Variants in TRAPPC10 observed in about 807,000 individuals in gnomAD.
The protein encoded by TRAPPC10 is trafficking protein particle complex subunit 10.
Under a neutral mutation model 125.5 loss-of-function variants are expected in TRAPPC10, and 23 were observed. The ratio of observed to expected loss-of-function variants is 0.18; its 90% CI spans 0.13 to 0.26. The LOEUF is 0.26. Ranked by LOEUF, TRAPPC10 falls within the 10% of genes least tolerant of loss-of-function variation. The pLI is 1.00. For missense variants in TRAPPC10, 1,123 were observed against 1,308.4 expected, an observed-to-expected ratio of 0.86 and a Z score of 2.19; for synonymous variants, 509 against 518.0, an observed-to-expected ratio of 0.98 and a Z score of 0.24.
At chr21:44,046,490 C>A in intron 3 of TRAPPC10, 1 of 238,402 alleles carries the variant, frequency 4.2e-6, no homozygotes, top group Non-Finnish European at 8.9e-6. Flanking sequence ...CAAGGGGTGA[C>A]ACGCTTTACC....
intron 7 of TRAPPC10, among the ~76,000 whole-genome samples, chr21:44,072,370 C>T (rs1601750982): frequency 6.6e-6 from 1 of 152,298 alleles, no homozygotes; most frequent in East Asian, 1.9e-4. Flanking sequence ...TGCTGTGGCT[C>T]CTGGGCTTTA....
At chr21:44,020,812 C>T (rs2032430633) in intron 1 of TRAPPC10, among the ~76,000 whole-genome samples, 1 of 152,104 alleles carries the variant, frequency 6.6e-6, no homozygotes, top group Admixed American at 6.5e-5. Flanking sequence ...ATGAGAAGGG[C>T]CGTCAGAAGT....
intron 3 of TRAPPC10, among the ~76,000 whole-genome samples, chr21:44,040,458 T>C (rs2034331967): frequency 6.6e-6 from 1 of 152,090 alleles, no homozygotes; most frequent in South Asian, 2.1e-4. Context: ...TTGTCCTACC[T>C]CAGCCTCTTG....
intron 1 of TRAPPC10, among the ~76,000 whole-genome samples, chr21:44,027,939 A>G (rs142788500): frequency 6.6e-6 from 1 of 152,176 alleles, no homozygotes; most frequent in African/African-American, 2.4e-5. Flanking sequence ...TCAGACTTAC[A>G]CCCTCCAGAA....
In TRAPPC10 at chr21:44,012,441, C is replaced by T. The variant is rs2031204320; in HGVS notation, c.-53C>T. 3.3e-6 allele frequency: 4 copies of T among 1,222,382 alleles called. No homozygotes were observed. Among genetic ancestry groups the T allele is most frequent in the Non-Finnish European group, 4.2e-6 (4 of 955,822 alleles). 75.7% of individuals were successfully genotyped at this position (1,222,382 alleles called of 1,614,324 possible). On this transcript the variant is annotated 5_prime_UTR_variant, in exon 1 of 23. Coordinates refer to ENST00000291574, the MANE Select transcript of TRAPPC10 (RefSeq NM_003274.5). ...CGGGCTCCGGCTGGGCCCGGCGCGG[C>T]CTCGGGGCTGCCCATGGGGCGCGGG...
chr21:44,012,350 G>A lies in TRAPPC10; in HGVS notation c.-144G>A. The A allele has an allele frequency of 4.1e-6, 1 of 242,520 alleles. No individual in the cohort carries two copies. The highest frequency in any genetic ancestry group is 6.6e-6 in the Non-Finnish European group (1 of 151,108). The allele number at this position is 242,520 out of a possible 1,614,324, so 15.0% of individuals were successfully genotyped here. On this transcript the variant is annotated 5_prime_UTR_variant, in exon 1 of 23. Transcript: ENST00000291574. ...GTGGCTGAGGCCGGCAGCAGCGGGC[G>A]GCAGCTGCGGCGCAACCGGCTCCGG...
intron 3 of TRAPPC10, among the ~76,000 whole-genome samples, chr21:44,040,596 C>G (rs1374551984): frequency 6.6e-6 from 1 of 152,072 alleles, no homozygotes; most frequent in Non-Finnish European, 1.5e-5. Context: ...CCTCCACCTC[C>G]CAAAGTTCTG....
intron 3 of TRAPPC10, among the ~76,000 whole-genome samples, chr21:44,051,604 G>A (rs2035237798): frequency 6.6e-6 from 1 of 152,212 alleles, no homozygotes; most frequent in Admixed American, 6.5e-5. Flanking sequence ...GGGCCTCTGC[G>A]TGAGAAGCAG....
chr21:44,055,519 A>C lies in TRAPPC10; in HGVS notation c.483-179A>C, dbSNP rs113970486. ...CTGGAGCCTGGGAGGTGGAGGTTGC[A>C]GTGAGCCAAGATTGTGCCACTGCAC... On this transcript the variant is annotated intron_variant, in intron 4 of 22. Coordinates refer to ENST00000291574, the MANE Select transcript of TRAPPC10 (RefSeq NM_003274.5). Among the ~76,000 whole-genome samples the C allele has an allele frequency of 1.9e-3, 292 of 151,246 alleles. 3 individuals are homozygous for C. The highest frequency in any genetic ancestry group is 6.8e-3 in the African/African-American group (280 of 41,110).
chr21:44,064,448 T>C (rs2036291126), intron 7 of TRAPPC10, among the ~76,000 whole-genome samples: 1 of 152,176 alleles, frequency 6.6e-6, no homozygotes, highest in Admixed American at 6.6e-5. Flanking sequence ...ATGAAAGGAC[T>C]GTAGAGACCG....
chr21:44,082,853 A>G lies in TRAPPC10; in HGVS notation c.1789A>G (p.Asn597Asp). 6.2e-7 allele frequency: 1 copy of G among 1,614,060 alleles called. No individual in the cohort carries two copies. The highest frequency in any genetic ancestry group is 8.5e-7 in the Non-Finnish European group (1 of 1,180,016). ...QLRDLHFDPSNAVVHVGGVLC... is the reference protein window; with the variant it reads ...QLRDLHFDPSDAVVHVGGVLC... ...GCGAGATCTCCATTTTGATCCCTCC[A>G]ATGCCGTGGTCCACGTGGGCGGCGT... The change falls in exon 14 of 23, where the codon AAT becomes GAT. Residue 597 changes from asparagine (N) to aspartate (D), a missense_variant. Physicochemically the swap from Asn to Asp is conservative, Grantham distance 23. Coordinates refer to ENST00000291574, the MANE Select transcript of TRAPPC10 (RefSeq NM_003274.5). This position sits in a 1 kb window ranked among gnomAD's most constrained non-coding sequence, Gnocchi z 4.4.
At position 44,052,290 on chromosome 21, in the gene TRAPPC10, T is replaced by C; in HGVS notation, c.296T>C (p.Val99Ala). The C allele has an allele frequency of 6.3e-7, 1 of 1,585,808 alleles. No individual in the cohort carries two copies. Among genetic ancestry groups the C allele is most frequent in the South Asian group, 1.2e-5 (1 of 85,808 alleles). ...IYWTECCDTE[V>A]YKATVKDDLT... ...CTTGTTTGTTTTTAGGATACCGAAG[T>C]GTATAAAGCTACAGTAAAAGATGAC... is the stretch of plus-strand genomic sequence containing the variant. The change falls in exon 4 of 23, where the codon GTG becomes GCG. Residue 99 changes from valine (V) to alanine (A), a missense_variant. Val to Ala is a moderately conservative substitution (Grantham distance 64). Around this residue, in one of 4 missense-constraint regions of TRAPPC10, gnomAD observed 177 missense variants for 228.9 expected, o/e 0.77. Coordinates refer to ENST00000291574, the MANE Select transcript of TRAPPC10 (RefSeq NM_003274.5).
intron 3 of TRAPPC10, chr21:44,046,602 C>T (rs957805486): frequency 2.6e-5 from 5 of 195,188 alleles, no homozygotes; most frequent in Non-Finnish European, 5.3e-5. Flanking sequence ...ACCTCTGCCT[C>T]CCGGGTTCAA....
rs116779617 is a variant in TRAPPC10 at position 44,026,505 on chromosome 21, A to C, written c.68-5586A>C. Among the ~76,000 whole-genome samples, 1,337 of 152,328 alleles carry C rather than the reference A, an allele frequency of 8.8e-3. 12 individuals are homozygous for C. Among genetic ancestry groups the C allele is most frequent in the African/African-American group, 0.03 (1,262 of 41,578 alleles). ...TTGAAGAGAAATGAATGTATGGCCTATGGGCAAGCACTTGCATTCCTAGGC... is the reference window on the plus strand; with the variant it reads ...TTGAAGAGAAATGAATGTATGGCCTCTGGGCAAGCACTTGCATTCCTAGGC... On this transcript the variant is annotated intron_variant, in intron 1 of 22. Transcript: ENST00000291574.
intron 3 of TRAPPC10, among the ~76,000 whole-genome samples, chr21:44,051,221 T>C (rs2035213730): frequency 6.6e-6 from 1 of 152,128 alleles, no homozygotes; most frequent in Non-Finnish European, 1.5e-5. Context: ...AAGATTTAAC[T>C]CACTCGTGGA....
At chr21:44,027,677 C>G (rs949376345) in intron 1 of TRAPPC10, among the ~76,000 whole-genome samples, 5 of 152,152 alleles carry the variant, frequency 3.3e-5, no homozygotes, top group African/African-American at 4.8e-5. Flanking sequence ...GCATAGCAGG[C>G]GCACGGTGCT....
At position 44,079,571 on chromosome 21, in the gene TRAPPC10, A is replaced by G; in HGVS notation, c.1477A>G (p.Lys493Glu). The G allele has an allele frequency of 6.3e-7, 1 of 1,593,668 alleles. No homozygotes were observed. Among genetic ancestry groups the G allele is most frequent in the Non-Finnish European group, 8.5e-7 (1 of 1,175,224 alleles). Reference protein sequence around the residue: ...KDLAEFYMRKKAPQKAEIYLQ... With the variant: ...KDLAEFYMRKEAPQKAEIYLQ... ...GTTTGTTGACTTTGCAAGGAGGAAA[A>G]AGGCTCCACAAAAGGCAGAAATCTA... Residue 493 changes from lysine to glutamate, a missense_variant, in exon 12 of 23, where the codon AAG (lysine) becomes GAG (glutamate). Transcript: ENST00000291574.
At chr21:44,027,677 C>T (rs949376345) in intron 1 of TRAPPC10, among the ~76,000 whole-genome samples, 7 of 152,152 alleles carry the variant, frequency 4.6e-5, no homozygotes, top group East Asian at 1.9e-4. Context: ...GCATAGCAGG[C>T]GCACGGTGCT....
chr21:44,087,623 C>T lies in TRAPPC10; in HGVS notation c.2540-76C>T. 3 of 1,347,176 alleles carry T rather than the reference C, an allele frequency of 2.2e-6. No individual in the cohort carries two copies. The highest frequency in any genetic ancestry group is 3.1e-6 in the Non-Finnish European group (3 of 955,052). The allele number at this position is 1,347,176 out of a possible 1,614,324, so 83.5% of individuals were successfully genotyped here. On this transcript the variant is annotated intron_variant, in intron 16 of 22. Coordinates refer to ENST00000291574, the MANE Select transcript of TRAPPC10 (RefSeq NM_003274.5). This position sits in a 1 kb window ranked among gnomAD's most constrained non-coding sequence, Gnocchi z 4.6. ...GTTGAGCAGTGGCCTCACTGCTGGG[C>T]CATCACCTGCTGTAAGGAAAAGGAC...
Sources: gnomAD v4.1 joint callset for allele counts (sites outside exome capture counted in the v4.1 genomes callset) on GRCh38, gnomAD v4.1.1 for gene constraint, gnomAD v4.1.1 regional missense constraint, Gnocchi (gnomAD v3.1) non-coding constraint, MANE v1.5 for transcripts, NCBI Gene and HGNC (gene_info 2026-07-23, HGNC 2026-07-21) for gene names.